Variants in SLC4A10 observed in about 807,000 individuals in gnomAD.
SLC4A10 encodes sodium-driven chloride bicarbonate exchanger.
A neutral mutation model predicts 137.7 loss-of-function variants in SLC4A10; 42 were observed. The observed-to-expected ratio is 0.30, with a 90% confidence interval of 0.24 to 0.39. SLC4A10 has a LOEUF of 0.39. Ranked by LOEUF, SLC4A10 falls within the 10% of genes least tolerant of loss-of-function variation. The pLI is 1.00. For synonymous variants in SLC4A10, 474 were observed against 464.1 expected (o/e 1.02, Z -0.27); for missense variants, 925 against 1,355.0 (o/e 0.68, Z 4.98).
intron 1 of SLC4A10, among the ~76,000 whole-genome samples, chr2:161,756,214 T>TA (rs2049629035): frequency 6.6e-6 from 1 of 152,332 alleles, no homozygotes; most frequent in South Asian, 2.1e-4. Flanking sequence ...ATGCTTTTGT[T>TA]AAATTTTCCA....
chr2:161,719,496 G>T (rs1361622710), intron 1 of SLC4A10, among the ~76,000 whole-genome samples: 1 of 152,104 alleles, frequency 6.6e-6, no homozygotes, highest in Non-Finnish European at 1.5e-5. Flanking sequence ...CACAATGGTT[G>T]AACTAGTTTA....
At chr2:161,698,845 T>G (rs1459702422) in intron 1 of SLC4A10, among the ~76,000 whole-genome samples, 1 of 152,134 alleles carries the variant, frequency 6.6e-6, no homozygotes, top group Non-Finnish European at 1.5e-5. Flanking sequence ...GAGGATAACC[T>G]CTTTTTCATA....
At chr2:161,727,420 C>T (rs2046343607) in intron 1 of SLC4A10, among the ~76,000 whole-genome samples, 1 of 152,112 alleles carries the variant, frequency 6.6e-6, no homozygotes, top group African/African-American at 2.4e-5. Context: ...GAGCAGATAA[C>T]CAAAGATTAT....
At chr2:161,702,251 A>G (rs900976991) in intron 1 of SLC4A10, among the ~76,000 whole-genome samples, 31 of 151,970 alleles carry the variant, frequency 2.0e-4, no homozygotes, top group Admixed American at 1.3e-4. Flanking sequence ...ATTTGCAGCA[A>G]CATGGATGAA....
At chr2:161,754,631 T>A (rs1282958250) in intron 1 of SLC4A10, among the ~76,000 whole-genome samples, 1 of 152,144 alleles carries the variant, frequency 6.6e-6, no homozygotes, top group East Asian at 1.9e-4. Flanking sequence ...AACATTTCTG[T>A]AGGATTTGAA....
intron 1 of SLC4A10, among the ~76,000 whole-genome samples, chr2:161,682,191 A>G (rs965121483): frequency 6.6e-6 from 1 of 152,138 alleles, no homozygotes; most frequent in Non-Finnish European, 1.5e-5. Context: ...TTTATTTTAT[A>G]TCCCCCTCTC....
chr2:161,742,183 T>C (rs1335805890), intron 1 of SLC4A10, among the ~76,000 whole-genome samples: 1 of 152,238 alleles, frequency 6.6e-6, no homozygotes, highest in African/African-American at 2.4e-5. Context: ...TGAATAGTTC[T>C]CCATTGTGTA....
At chr2:161,780,568 G>A (rs1001094069) in intron 2 of SLC4A10, among the ~76,000 whole-genome samples, 20 of 151,880 alleles carry the variant, frequency 1.3e-4, no homozygotes, top group East Asian at 7.8e-4. Flanking sequence ...AAATTAAGTC[G>A]AATTATTTTT....
At chr2:161,650,326 T>C (rs1456444850) in intron 1 of SLC4A10, among the ~76,000 whole-genome samples, 1 of 152,226 alleles carries the variant, frequency 6.6e-6, no homozygotes, top group African/African-American at 2.4e-5. Context: ...TTTCATTACG[T>C]CATATCAGGT....
intron 15 of SLC4A10, among the ~76,000 whole-genome samples, chr2:161,911,547 T>A (rs762976078): frequency 6.6e-6 from 1 of 152,112 alleles, no homozygotes; most frequent in Non-Finnish European, 1.5e-5. Flanking sequence ...TCAACCTTTT[T>A]AAATCACATT....
intron 4 of SLC4A10, among the ~76,000 whole-genome samples, chr2:161,842,460 AT>A (rs1198754681): frequency 2.6e-5 from 4 of 151,958 alleles, no homozygotes; most frequent in East Asian, 3.9e-4. Flanking sequence ...CTATGTTTTT[AT>A]TTTTTTCATG....
Position 161,879,238 on chromosome 2 carries a change from G to A in SLC4A10, c.1056G>A (p.Leu352=). Reference sequence around the variant, plus strand: ...GAACAGTAGTTGCGTTTGTCAGGTTGTCTCCAGCTGTATTGCTTCAAGGAC... The same window carrying A: ...GAACAGTAGTTGCGTTTGTCAGGTTATCTCCAGCTGTATTGCTTCAAGGAC... The part of the protein sequence containing the change: ...LDRTVVAFVR[L]SPAVLLQGLA... The change falls in exon 9 of 27, where the codon TTG becomes TTA. Residue 352 remains leucine, a synonymous_variant. Transcript: ENST00000446997. 1 of 1,613,286 alleles carries A rather than the reference G, an allele frequency of 6.2e-7. No individual in the cohort carries two copies. Among genetic ancestry groups the A allele is most frequent in the Non-Finnish European group, 8.5e-7 (1 of 1,179,394 alleles).
chr2:161,777,875 T>A (rs563008328), intron 2 of SLC4A10, among the ~76,000 whole-genome samples: 1 of 152,110 alleles, frequency 6.6e-6, no homozygotes, highest in East Asian at 1.9e-4. Context: ...AAGTTTAAGT[T>A]TTTGATTCAT....
chr2:161,746,180 TC>T (rs1342666058), intron 1 of SLC4A10, among the ~76,000 whole-genome samples: 1 of 152,064 alleles, frequency 6.6e-6, no homozygotes, highest in Non-Finnish European at 1.5e-5. Flanking sequence ...TGCAGCATGT[TC>T]CCTTCTGACC....
At position 161,855,082 on chromosome 2, in the gene SLC4A10, G is replaced by T. The variant is rs751395564; in HGVS notation, c.529G>T (p.Gly177Ter). 1 of 1,612,674 alleles carries T rather than the reference G, an allele frequency of 6.2e-7. No homozygotes were observed. The highest frequency in any genetic ancestry group is 1.7e-5 in the Admixed American group (1 of 59,896). The part of the protein sequence containing the change: ...LFELRSCILN[G>*]TVLLDMHANT... ...TGAATTGAGAAGTTGTATTCTGAAT[G>T]GAACTGTGTTGCTGGACATGCATGC... Residue 177 changes from glycine to a stop codon, truncating the protein, a stop_gained, in exon 5 of 27, where the codon GGA becomes TGA. Transcript: ENST00000446997. LOFTEE classifies it high-confidence loss of function.
At chr2:161,708,998 A>C (rs1559078966) in intron 1 of SLC4A10, among the ~76,000 whole-genome samples, 7 of 151,018 alleles carry the variant, frequency 4.6e-5, no homozygotes, top group Non-Finnish European at 1.0e-4. Context: ...ATTATTAGAA[A>C]TGTGTGTGTA....
intron 1 of SLC4A10, among the ~76,000 whole-genome samples, chr2:161,628,743 C>A (rs2032943747): frequency 6.6e-6 from 1 of 151,930 alleles, no homozygotes; most frequent in Non-Finnish European, 1.5e-5. Flanking sequence ...GTTACTCTAG[C>A]ATGGTGAGTG....
At chr2:161,832,028 A>G (rs1325112792) in intron 3 of SLC4A10, among the ~76,000 whole-genome samples, 1 of 152,132 alleles carries the variant, frequency 6.6e-6, no homozygotes, top group African/African-American at 2.4e-5. Context: ...TCTCTGGAGC[A>G]AAGGGTAGGT....
At chr2:161,876,416 C>T (rs1404638736) in intron 8 of SLC4A10, among the ~76,000 whole-genome samples, 1 of 152,132 alleles carries the variant, frequency 6.6e-6, no homozygotes, top group African/African-American at 2.4e-5. Context: ...TGGTGGCTGA[C>T]ACCTGTAATC....
Sources: allele counts gnomAD v4.1 joint callset (sites outside exome capture counted in the v4.1 genomes callset), GRCh38; gene constraint gnomAD v4.1.1; transcripts MANE v1.5; gene names NCBI Gene and HGNC (gene_info 2026-07-23, HGNC 2026-07-21).